Variants in SIRPD observed in about 807,000 individuals in gnomAD.
The protein encoded by SIRPD is signal-regulatory protein delta.
SIRPD carries 21 observed loss-of-function variants against 18.0 expected under a neutral mutation model. The observed-to-expected ratio is 1.17, with a 90% CI of 0.83 to 1.68. SIRPD has a LOEUF of 1.68. Among genes scored for constraint, SIRPD ranks in the 40% most tolerant of loss-of-function variants. The probability of loss-of-function intolerance (pLI) is 0.00; values close to 1 mark genes in which losing one functional copy is unlikely to be tolerated. For missense variants in SIRPD, 295 were observed against 238.4 expected, an observed-to-expected ratio of 1.24 and a Z score of -1.56; for synonymous variants, 106 against 92.9, an observed-to-expected ratio of 1.14 and a Z score of -0.81.
In SIRPD at chr20:1,534,313, G is replaced by C; in HGVS notation, c.*112C>G. The stretch of plus-strand genomic sequence containing the variant: ...AAGCTGGCATTTTATGTCAGTGGAA[G>C]AAAGCTCTCTTGAAGAAGGCAAATG... On this transcript the variant is annotated 3_prime_UTR_variant, in exon 4 of 4. Coordinates refer to ENST00000381623, the MANE Select transcript of SIRPD (RefSeq NM_178460.3). The C allele has an allele frequency of 6.9e-7, 1 of 1,449,122 alleles. No individual in the cohort carries two copies. The highest frequency in any genetic ancestry group is 9.5e-7 in the Non-Finnish European group (1 of 1,050,780). 89.8% of individuals were successfully genotyped at this position (1,449,122 alleles called of 1,614,324 possible).
At chr20:1,538,961 G>T (rs1246201923) in intron 2 of SIRPD, among the ~76,000 whole-genome samples, 1 of 152,082 alleles carries the variant, frequency 6.6e-6, no homozygotes, top group African/African-American at 2.4e-5. Context: ...GGGGTGTTTT[G>T]CTATGCAGCA....
chr20:1,557,509 C>G (rs1388045787), intron 1 of SIRPD, 72 bp downstream of exon 1: 3 of 1,270,760 alleles, frequency 2.4e-6, no homozygotes, highest in Non-Finnish European at 3.1e-6. Context: ...TCTATGGGAA[C>G]AGGTGAGGGA....
chr20:1,552,063 C>T (rs1054394932), intron 1 of SIRPD, 25 bp from the exon 2 acceptor site: 6 of 1,591,976 alleles, frequency 3.8e-6, no homozygotes, highest in Admixed American at 3.4e-5. Context: ...AAAATCATTT[C>T]TCATTTCCCC....
intron 2 of SIRPD, among the ~76,000 whole-genome samples, chr20:1,542,962 G>T (rs2263660): frequency 0.17 from 26,098 of 149,554 alleles, 2,930 homozygotes; most frequent in Non-Finnish European, 0.25. Context: ...AACCAGCCTT[G>T]CATCCCAGGG....
In SIRPD at chr20:1,534,339, A is replaced by G. The variant is rs200908978; in HGVS notation, c.*86T>C. ...AAAGCTCTCTTGAAGAAGGCAAATG[A>G]AACTCCTAAAAAGTAGCTGTCTCCA... On this transcript the variant is annotated 3_prime_UTR_variant, in exon 4 of 4. Coordinates refer to ENST00000381623, the MANE Select transcript of SIRPD (RefSeq NM_178460.3). 17 of 1,574,944 alleles carry G rather than the reference A, an allele frequency of 1.1e-5. No individual in the cohort carries two copies. Among genetic ancestry groups the G allele is most frequent in the Non-Finnish European group, 1.5e-5 (17 of 1,159,382 alleles).
intron 1 of SIRPD, among the ~76,000 whole-genome samples, chr20:1,555,286 T>C (rs2091035486): frequency 6.6e-6 from 1 of 152,088 alleles, no homozygotes; most frequent in South Asian, 2.1e-4. Flanking sequence ...TCCAAAAAAG[T>C]CAAACTCAAA....
chr20:1,537,187 G>A lies in SIRPD; in HGVS notation c.545C>T (p.Pro182Leu), dbSNP rs1442453289. 2 of 1,614,004 alleles carry A rather than the reference G, an allele frequency of 1.2e-6. No individual in the cohort carries two copies. Among genetic ancestry groups the A allele is most frequent in the Non-Finnish European group, 8.5e-7 (1 of 1,180,008 alleles). The change falls in exon 3 of 4, where the codon CCC (proline) becomes CTC (leucine). Residue 182 changes from proline to leucine, a missense_variant. By Grantham distance (98) the Pro-to-Leu change is moderately conservative. Transcript: ENST00000381623. The stretch of plus-strand genomic sequence containing the variant: ...TCCCAGCAGCCGGAGGCAGCAGCAG[G>A]GTTGGACGAAATAGTTTGTGCTGTT... The part of the protein sequence containing the change: ...ERNSTNYFVQ[P>L]CCCLRLLGLT...
In SIRPD at chr20:1,555,930, A is replaced by G. The variant is rs368037550; in HGVS notation, c.73+1651T>C. Among the ~76,000 whole-genome samples the G allele has an allele frequency of 2.6e-5, 4 of 152,186 alleles. No individual in the cohort carries two copies. The East Asian group carries it at 5.8e-4, about 22-fold the overall frequency. ...TCTCATCTGGGGGTTTGACTGGGGA[A>G]GTGTTCATTCTAAGTTCACTCAGGT... is the stretch of plus-strand genomic sequence containing the variant. On this transcript the variant is annotated intron_variant, in intron 1 of 3. Transcript: ENST00000381623.
At chr20:1,545,913 T>C (rs1386731417) in intron 2 of SIRPD, among the ~76,000 whole-genome samples, 1 of 152,184 alleles carries the variant, frequency 6.6e-6, no homozygotes, top group South Asian at 2.1e-4. Flanking sequence ...GGAGGTCCAC[T>C]CCAGATCCTG....
Position 1,551,727 on chromosome 20 carries a change from A to C in SIRPD, c.385T>G (p.Tyr129Asp). The part of the protein sequence containing the change: ...KFIKGRAIKE[Y>D]QSGRGTQVFV... ...ACCTGAGTGCCCCGACCTGATTGGT[A>C]CTCCTTGATAGCTCTTCCTTTTATG... The change falls in exon 2 of 4, where the codon TAC (tyrosine) becomes GAC (aspartate). Residue 129 changes from tyrosine (Y) to aspartate (D), a missense_variant. Physicochemically the swap from Tyr to Asp is radical, Grantham distance 160 (BLOSUM62 -3). Transcript: ENST00000381623. 1 of 1,613,908 alleles carries C rather than the reference A, an allele frequency of 6.2e-7. No homozygotes were observed. The highest frequency in any genetic ancestry group is 8.5e-7 in the Non-Finnish European group (1 of 1,179,902).
chr20:1,548,317 G>T (rs975650097), intron 2 of SIRPD, among the ~76,000 whole-genome samples: 2 of 150,178 alleles, frequency 1.3e-5, no homozygotes, highest in Non-Finnish European at 3.0e-5. Flanking sequence ...TTAAATAAAA[G>T]AATTTTAGAT....
intron 2 of SIRPD, among the ~76,000 whole-genome samples, chr20:1,549,870 G>A (rs529793689): frequency 8.6e-5 from 13 of 151,954 alleles, no homozygotes; most frequent in Non-Finnish European, 1.5e-4. Context: ...TACAAGAAAC[G>A]AATACATAGC....
At chr20:1,551,610 C>A in intron 2 of SIRPD, 81 bp downstream of exon 2, 2 of 1,076,032 alleles carry the variant, frequency 1.9e-6, no homozygotes, top group Non-Finnish European at 2.7e-6. Flanking sequence ...TGGCACATAG[C>A]AATTATTGAA....
intron 2 of SIRPD, chr20:1,540,318 T>C (rs1227998758): frequency 4.4e-6 from 2 of 456,084 alleles, no homozygotes; most frequent in Admixed American, 4.7e-5. Context: ...GACTTCTGGC[T>C]TCTAGAACTG....
chr20:1,537,389 T>C, intron 2 of SIRPD, 79 bp from the exon 3 acceptor site: 2 of 1,445,648 alleles, frequency 1.4e-6, no homozygotes, highest in South Asian at 2.5e-5. Flanking sequence ...TGTAGGATTA[T>C]GACCGTTCCA....
chr20:1,549,370 C>CTTT lies in SIRPD; in HGVS notation c.421+2318_421+2320dup, dbSNP rs11475966. 8.9e-3 allele frequency among the ~76,000 whole-genome samples: 1,312 copies of CTTT among 147,316 alleles called. 19 individuals carry two copies. The highest frequency in any genetic ancestry group is 0.032 in the African/African-American group (1,279 of 40,514). The stretch of plus-strand genomic sequence containing the variant: ...GGCCATAACAAGCAGTTTCTGATAC[C>CTTT]TTTTTTTTTTTGGTTTGTTTTTGGT... On this transcript the variant is annotated intron_variant, in intron 2 of 3. Transcript: ENST00000381623.
rs751636117 is a variant in SIRPD at position 1,551,914 on chromosome 20, C to A, written c.198G>T (p.Lys66Asn). ...TLPNGPVLWFKGTGPNRKLIY... is the reference protein window; with the variant it reads ...TLPNGPVLWFNGTGPNRKLIY... Reference sequence around the variant, plus strand: ...TTAATTTCCGGTTTGGCCCTGTTCCCTTGAACCACAAGACAGGTCCATTTG... The same window carrying A: ...TTAATTTCCGGTTTGGCCCTGTTCCATTGAACCACAAGACAGGTCCATTTG... Residue 66 changes from lysine to asparagine, a missense_variant, in exon 2 of 4, where the codon AAG (lysine) becomes AAT (asparagine). By Grantham distance (94) the Lys-to-Asn change is moderately conservative (BLOSUM62 0). Coordinates refer to ENST00000381623, the MANE Select transcript of SIRPD (RefSeq NM_178460.3). 3 of 1,614,080 alleles carry A rather than the reference C, an allele frequency of 1.9e-6. No individual in the cohort carries two copies. The South Asian group carries it at 3.3e-5, about 18-fold the overall frequency.
At chr20:1,550,407 G>C (rs1299869424) in intron 2 of SIRPD, among the ~76,000 whole-genome samples, 1 of 152,148 alleles carries the variant, frequency 6.6e-6, no homozygotes, top group East Asian at 1.9e-4. Context: ...GTAAGATGGG[G>C]GAATGAATAT....
chr20:1,548,266 T>G (rs2091002911), intron 2 of SIRPD, among the ~76,000 whole-genome samples: 1 of 152,222 alleles, frequency 6.6e-6, no homozygotes, highest in Admixed American at 6.5e-5. Flanking sequence ...TTTATCAGGT[T>G]GATAAAGTTC....
Sources: gnomAD v4.1 joint callset for allele counts (sites outside exome capture counted in the v4.1 genomes callset) on GRCh38, gnomAD v4.1.1 for gene constraint, MANE v1.5 for transcripts, NCBI Gene and HGNC (gene_info 2026-07-23, HGNC 2026-07-21) for gene names.